Variants in NABP2 observed in about 807,000 individuals in gnomAD.
NABP2 encodes the protein nucleic acid binding protein 2.
A neutral mutation model predicts 22.7 loss-of-function variants in NABP2; 7 were observed. The ratio of observed to expected loss-of-function variants is 0.31; its 90% CI spans 0.18 to 0.58. NABP2 has a LOEUF of 0.58. Among genes scored for constraint, NABP2 ranks in the 20% least tolerant of loss-of-function variants. NABP2 has a pLI of 0.89. For missense variants in NABP2, 188 were observed against 265.9 expected, an observed-to-expected ratio of 0.71 and a Z score of 2.04; for synonymous variants, 107 against 99.2, an observed-to-expected ratio of 1.08 and a Z score of -0.47.
Position 56,225,709 on chromosome 12 carries a change from T to C in NABP2, c.290+14T>C, listed in dbSNP as rs1184958659. 2 of 1,614,042 alleles carry C rather than the reference T, an allele frequency of 1.2e-6. No homozygotes were observed. Among genetic ancestry groups the C allele is most frequent in the Non-Finnish European group, 1.7e-6 (2 of 1,179,922 alleles). On this transcript the variant is annotated intron_variant, in intron 4 of 6. Coordinates refer to ENST00000267023, the MANE Select transcript of NABP2 (RefSeq NM_024068.4). ...GAAGATTGGAGAGTAAGTGCTGTCT[T>C]GGGGATTGGGATGAAGAAGCACCAG...
intron 1 of NABP2, 44 bp downstream of exon 1, chr12:56,224,485 C>T: frequency 1.9e-6 from 2 of 1,064,582 alleles, no homozygotes; most frequent in Admixed American, 4.5e-5. Context: ...GACCGAGTCC[C>T]GGCTTGTCGG....
Position 56,229,087 on chromosome 12 carries a change from T to TTGGGCCCC in NABP2, c.510_511insTGGGCCCC (p.Pro171TrpfsTer65). 5 of 1,512,334 alleles carry TTGGGCCCC rather than the reference T, an allele frequency of 3.3e-6. No individual in the cohort carries two copies. Among genetic ancestry groups the TTGGGCCCC allele is most frequent in the Non-Finnish European group, 4.5e-6 (5 of 1,102,006 alleles). The allele number at this position is 1,512,334 out of a possible 1,614,324, so 93.7% of individuals were successfully genotyped here. On this transcript the variant is annotated frameshift_variant, in exon 7 of 7. Coordinates refer to ENST00000267023, the MANE Select transcript of NABP2 (RefSeq NM_024068.4). LOFTEE classifies it high-confidence loss of function. ...GTGGTGGCCCACATCCCCCTCATAC[T>TTGGGCCCC]CCCTCCCACCCACCCAGCACCCGAA...
upstream of NABP2, chr12:56,222,018 C>T (rs1869504630): frequency 6.6e-6 from 1 of 152,556 alleles, no homozygotes; most frequent in South Asian, 2.1e-4. Flanking sequence ...CACCAGCAGC[C>T]AGGAGCTGCC....
chr12:56,229,091 T>TCCCCCCC lies in NABP2; in HGVS notation c.517_518insCCCCCCC (p.His173ProfsTer30). On this transcript the variant is annotated frameshift_variant, in exon 7 of 7. Coordinates refer to ENST00000267023, the MANE Select transcript of NABP2 (RefSeq NM_024068.4). LOFTEE classifies it high-confidence loss of function. ...TGGCCCACATCCCCCTCATACTCCC[T>TCCCCCCC]CCCACCCACCCAGCACCCGAATCAC... The TCCCCCCC allele has an allele frequency of 2.7e-5, 11 of 401,566 alleles. No individual in the cohort carries two copies. Among genetic ancestry groups the TCCCCCCC allele is most frequent in the South Asian group, 1.1e-4 (5 of 46,910 alleles). The allele number at this position is 401,566 out of a possible 1,614,324, so 24.9% of individuals were successfully genotyped here.
upstream of NABP2, chr12:56,224,244 C>G: frequency 1.2e-6 from 1 of 805,508 alleles, no homozygotes; most frequent in Non-Finnish European, 1.5e-6. Flanking sequence ...TCTCTGATCC[C>G]GATTGGCTGG....
rs1275135421 is a variant in NABP2, at chr12:56,226,390, C to T, written c.407C>T (p.Pro136Leu). 4 of 1,613,614 alleles carry T rather than the reference C, an allele frequency of 2.5e-6. No homozygotes were observed. Among genetic ancestry groups the T allele is most frequent in the Non-Finnish European group, 3.4e-6 (4 of 1,180,022 alleles). Residue 136 changes from proline to leucine, a missense_variant, in exon 6 of 7, where the codon CCT becomes CTT. Transcript: ENST00000267023. Reference protein sequence around the residue: ...QNDSNPSASQPTTGPSAASPA... With the variant: ...QNDSNPSASQLTTGPSAASPA... ...GACAGCAACCCTTCAGCTTCCCAGCCTACCACTGGACCCTCTGCTGCCTCT... is the reference window on the plus strand; with the variant it reads ...GACAGCAACCCTTCAGCTTCCCAGCTTACCACTGGACCCTCTGCTGCCTCT...
At chr12:56,223,177 A>G (rs1869580837), upstream of NABP2, among the ~76,000 whole-genome samples, 1 of 152,078 alleles carries the variant, frequency 6.6e-6, no homozygotes. Context: ...CAGAGGTTGC[A>G]TTGCAGTGAG....
intron 4 of NABP2, 99 bp downstream of exon 4, chr12:56,225,794 T>A: frequency 1.6e-6 from 2 of 1,235,900 alleles, no homozygotes; most frequent in Non-Finnish European, 2.4e-6. Flanking sequence ...ATTTCTGGAC[T>A]TTTTCTGTTT....
At chr12:56,225,156 A>C (rs1033202520) in intron 2 of NABP2, among the ~76,000 whole-genome samples, 1 of 151,570 alleles carries the variant, frequency 6.6e-6, no homozygotes, top group Non-Finnish European at 1.5e-5. Context: ...GCCTCTTTCC[A>C]CTCAGGGCCC....
In NABP2 at chr12:56,226,701, G is replaced by A. The variant is rs181984345; in HGVS notation, c.436+282G>A. Among the ~76,000 whole-genome samples, 707 of 138,640 alleles carry A rather than the reference G, an allele frequency of 5.1e-3. 2 individuals carry two copies. The highest frequency in any genetic ancestry group is 0.013 in the Middle Eastern group (3 of 228). 91.0% of individuals were successfully genotyped at this position (138,640 alleles called of 152,430 possible). A position where few individuals can be genotyped will look rare whatever the true frequency, so the allele number is the denominator to read the frequency against. On this transcript the variant is annotated intron_variant, in intron 6 of 6. Coordinates refer to ENST00000267023, the MANE Select transcript of NABP2 (RefSeq NM_024068.4). ...CTGCCTCAGCCTCCCAAGTAACTAGGATTACAGGCACCTGCCACCATGCCC... is the reference window on the plus strand; with the variant it reads ...CTGCCTCAGCCTCCCAAGTAACTAGAATTACAGGCACCTGCCACCATGCCC...
intron 2 of NABP2, 107 bp from the exon 3 acceptor site, chr12:56,225,266 T>G: frequency 8.1e-6 from 12 of 1,475,408 alleles, no homozygotes; most frequent in Non-Finnish European, 1.1e-5. Context: ...TTCCCCTGTT[T>G]GTACACCTTT....
chr12:56,224,800 A>G, intron 1 of NABP2, 34 bp from the exon 2 acceptor site: 1 of 1,559,698 alleles, frequency 6.4e-7, no homozygotes, highest in Non-Finnish European at 8.8e-7. Context: ...AAAGGATCCA[A>G]GCATTGAGCC....
At position 56,224,929 on chromosome 12, in the gene NABP2, G is replaced by A. The variant is rs1320610392; in HGVS notation, c.73G>A (p.Glu25Lys). ...KNLNLIFIVL[E>K]TGRVTKTKDG... ...TCTGAACCTTATCTTCATTGTGCTG[G>A]AGACAGGTGTCTATACTGGGGTGGC... is the stretch of plus-strand genomic sequence containing the variant. Residue 25 changes from glutamate (E) to lysine (K), a missense_variant, in exon 2 of 7, where the codon GAG becomes AAG. Physicochemically the swap from Glu to Lys is moderately conservative, Grantham distance 56. Coordinates refer to ENST00000267023, the MANE Select transcript of NABP2 (RefSeq NM_024068.4). The A allele has an allele frequency of 2.5e-6, 4 of 1,607,856 alleles. No individual in the cohort carries two copies.
intron 6 of NABP2, among the ~76,000 whole-genome samples, chr12:56,228,599 G>A (rs556794544): frequency 1.3e-5 from 2 of 152,004 alleles, no homozygotes; most frequent in South Asian, 4.1e-4. Context: ...TGTTGGCCAG[G>A]CTGGTCTCGA....
Position 56,229,033 on chromosome 12 carries a change from G to A in NABP2, c.456G>A (p.Gly152=). 6.2e-7 allele frequency: 1 copy of A among 1,613,058 alleles called. No homozygotes were observed. The highest frequency in any genetic ancestry group is 8.5e-7 in the Non-Finnish European group (1 of 1,179,632). ...AASPASENQN[G]NGLSAPPGPG... The stretch of plus-strand genomic sequence containing the variant: ...AATTAGCCTCTGAGAACCAGAATGG[G>A]AATGGACTGAGTGCCCCACCAGGTC... The change falls in exon 7 of 7, where the codon GGG becomes GGA. Residue 152 remains glycine, a synonymous_variant. Transcript: ENST00000267023.
At chr12:56,224,751 A>C in intron 1 of NABP2, 83 bp from the exon 2 acceptor site, 1 of 1,224,980 alleles carries the variant, frequency 8.2e-7, no homozygotes, top group Non-Finnish European at 1.2e-6. Flanking sequence ...ACCCCAGCCT[A>C]ATGGGGTAGG....
chr12:56,229,297 A>G lies in NABP2; in HGVS notation c.*84A>G. On this transcript the variant is annotated 3_prime_UTR_variant, in exon 7 of 7. Transcript: ENST00000267023. The stretch of plus-strand genomic sequence containing the variant: ...TAGCCTTCCACTGATTGGCTGGTGT[A>G]GCAGTATTTTAGCCACTGAACTTCA... 1 of 1,489,572 alleles carries G rather than the reference A, an allele frequency of 6.7e-7. No homozygotes were observed. Among genetic ancestry groups the G allele is most frequent in the East Asian group, 2.3e-5 (1 of 44,148 alleles). The allele number at this position is 1,489,572 out of a possible 1,614,324, so 92.3% of individuals were successfully genotyped here. A position where few individuals can be genotyped will look rare whatever the true frequency, so the allele number is the denominator to read the frequency against.
chr12:56,228,124 G>A (rs915803571), intron 6 of NABP2, among the ~76,000 whole-genome samples: 6 of 152,068 alleles, frequency 3.9e-5, no homozygotes, highest in Admixed American at 6.6e-5. Flanking sequence ...CCTGGGAGGC[G>A]GAGGTTGTAG....
chr12:56,224,318 CG>C (rs1382230487), upstream of NABP2: 1 of 987,268 alleles, frequency 1.0e-6, no homozygotes, highest in Non-Finnish European at 1.2e-6. Flanking sequence ...GGAGGCCAGC[CG>C]GGGGAAACTT....
Sources: gnomAD v4.1 joint callset for allele counts (sites outside exome capture counted in the v4.1 genomes callset) on GRCh38, gnomAD v4.1.1 for gene constraint, MANE v1.5 for transcripts, NCBI Gene and HGNC (gene_info 2026-07-23, HGNC 2026-07-21) for gene names.